Variants in NEGR1 observed in about 807,000 individuals in gnomAD.
The protein encoded by NEGR1 is IgLON family member 4.
NEGR1 carries 10 observed loss-of-function variants against 40.9 expected under a neutral mutation model. The observed-to-expected ratio is 0.24, with a 90% CI of 0.15 to 0.42. The LOEUF is 0.42. NEGR1 is among the 10% of genes least tolerant of loss of function. NEGR1 has a pLI of 1.00. For missense variants in NEGR1, 352 were observed against 438.9 expected (o/e 0.80, Z 1.77); for synonymous variants, 185 against 166.8 (o/e 1.11, Z -0.84).
chr1:72,077,449 AC>A (rs1647791181), intron 1 of NEGR1, among the ~76,000 whole-genome samples: 1 of 152,024 alleles, frequency 6.6e-6, no homozygotes, highest in African/African-American at 2.4e-5. Context: ...ATAAAATCAA[AC>A]CTTTGCCATC....
At chr1:71,818,859 CAAAAA>C (rs1557664540) in intron 2 of NEGR1, among the ~76,000 whole-genome samples, 1 of 151,788 alleles carries the variant, frequency 6.6e-6, no homozygotes, top group Non-Finnish European at 1.5e-5. Context: ...AGGAGCAAAA[CAAAAA>C]ATGTTTTGTT....
At chr1:71,735,333 G>A (rs533641566) in intron 3 of NEGR1, among the ~76,000 whole-genome samples, 1 of 151,964 alleles carries the variant, frequency 6.6e-6, no homozygotes, top group African/African-American at 2.4e-5. Flanking sequence ...TTTTTACCTC[G>A]ATAGTGATTT....
chr1:71,991,018 T>A (rs989721478), intron 1 of NEGR1, among the ~76,000 whole-genome samples: 1 of 152,010 alleles, frequency 6.6e-6, no homozygotes, highest in African/African-American at 2.4e-5. Context: ...TTTCCTTACA[T>A]TCCCTATCTT....
intron 1 of NEGR1, among the ~76,000 whole-genome samples, chr1:72,218,100 A>C (rs925326512): frequency 1.3e-5 from 2 of 151,518 alleles, no homozygotes; most frequent in East Asian, 1.9e-4. Context: ...TTTCCTTTAA[A>C]ATTTTTCTTT....
At chr1:71,756,642 G>A (rs1655752383) in intron 3 of NEGR1, among the ~76,000 whole-genome samples, 1 of 151,996 alleles carries the variant, frequency 6.6e-6, no homozygotes, top group Non-Finnish European at 1.5e-5. Flanking sequence ...CTTTTGTACT[G>A]TAATTGAATT....
chr1:71,942,469 ATATATATATATATATTTTTTTT>A (rs1557446260), intron 1 of NEGR1, among the ~76,000 whole-genome samples: 3 of 10,604 alleles, frequency 2.8e-4, no homozygotes, highest in African/African-American at 8.4e-4. Context: ...ATATATATAT[ATATATATATATATATTTTTTTT>A]TTTTTTTTTT....
intron 6 of NEGR1, among the ~76,000 whole-genome samples, chr1:71,485,442 A>G (rs1646881763): frequency 1.3e-5 from 2 of 151,558 alleles, no homozygotes; most frequent in Admixed American, 6.6e-5. Context: ...ACACATTATT[A>G]TCTCCCAGAG....
chr1:71,855,321 G>T (rs941111998), intron 2 of NEGR1, among the ~76,000 whole-genome samples: 3 of 152,034 alleles, frequency 2.0e-5, no homozygotes, highest in Non-Finnish European at 4.4e-5. Flanking sequence ...TCACCAGTGA[G>T]ATTATTTGGA....
At chr1:71,942,334 T>C (rs1645966886) in intron 1 of NEGR1, among the ~76,000 whole-genome samples, 1 of 149,120 alleles carries the variant, frequency 6.7e-6, no homozygotes. Context: ...TTTCTTACTT[T>C]TTTCATGCAG....
intron 1 of NEGR1, among the ~76,000 whole-genome samples, chr1:72,237,203 T>G (rs1233687723): frequency 1.3e-5 from 2 of 151,972 alleles, no homozygotes; most frequent in Non-Finnish European, 2.9e-5. Context: ...CAAGTGTAAT[T>G]TAATAATTTA....
At chr1:71,830,832 A>G (rs896683442) in intron 2 of NEGR1, among the ~76,000 whole-genome samples, 1 of 151,966 alleles carries the variant, frequency 6.6e-6, no homozygotes, top group Non-Finnish European at 1.5e-5. Context: ...TATTCATTAC[A>G]TGCCATAAAT....
intron 1 of NEGR1, among the ~76,000 whole-genome samples, chr1:72,101,333 T>C (rs1648929438): frequency 6.6e-6 from 1 of 152,146 alleles, no homozygotes; most frequent in Non-Finnish European, 1.5e-5. Flanking sequence ...AAAGAACTAT[T>C]GAGCTGCAAA....
chr1:71,577,512 G>C (rs559652280), intron 6 of NEGR1, among the ~76,000 whole-genome samples: 6 of 152,264 alleles, frequency 3.9e-5, no homozygotes, highest in South Asian at 2.1e-4. Flanking sequence ...GAAGGGGTTG[G>C]TTACAATCAA....
chr1:71,964,151 G>A (rs1396764271), intron 1 of NEGR1, among the ~76,000 whole-genome samples: 3 of 151,982 alleles, frequency 2.0e-5, no homozygotes, highest in Non-Finnish European at 4.4e-5. Context: ...TTTACTACTT[G>A]TGGCAGACTG....
intron 4 of NEGR1, among the ~76,000 whole-genome samples, chr1:71,661,410 T>C (rs1256552090): frequency 6.6e-6 from 1 of 152,200 alleles, no homozygotes; most frequent in Non-Finnish European, 1.5e-5. Flanking sequence ...AATTTAACTG[T>C]ATAATGTAAA....
chr1:71,655,731 T>C (rs574794129), intron 4 of NEGR1, among the ~76,000 whole-genome samples: 94 of 152,264 alleles, frequency 6.2e-4, no homozygotes, highest in African/African-American at 2.1e-3. Context: ...CAGAGTTCTA[T>C]AGGTACTCAG....
chr1:71,741,963 C>T (rs930196955), intron 3 of NEGR1, among the ~76,000 whole-genome samples: 18 of 152,140 alleles, frequency 1.2e-4, no homozygotes, highest in African/African-American at 4.3e-4. Flanking sequence ...TAAACCCACT[C>T]CCATATTCCA....
At chr1:71,949,588 G>T (rs1432132006) in intron 1 of NEGR1, among the ~76,000 whole-genome samples, 1 of 152,114 alleles carries the variant, frequency 6.6e-6, no homozygotes, top group Admixed American at 6.6e-5. Context: ...AAAGAATAGG[G>T]TAAGAATAGG....
chr1:71,671,126 A>G (rs1652413387), intron 4 of NEGR1, among the ~76,000 whole-genome samples: 1 of 152,122 alleles, frequency 6.6e-6, no homozygotes, highest in East Asian at 1.9e-4. Context: ...TATTGTCATC[A>G]CTATTAGGTT....
Sources: gnomAD v4.1 joint callset for allele counts (sites outside exome capture counted in the v4.1 genomes callset) on GRCh38, gnomAD v4.1.1 for gene constraint, MANE v1.5 for transcripts, NCBI Gene and HGNC (gene_info 2026-07-23, HGNC 2026-07-21) for gene names.